Variants in ERP29 observed in about 807,000 individuals in gnomAD.
The protein encoded by ERP29 is endoplasmic reticulum resident protein 29.
In ERP29, 14 loss-of-function variants were observed where a neutral mutation model predicts 21.7. That is an observed-to-expected ratio of 0.64 (90% CI 0.43 to 1.01). The LOEUF (loss-of-function observed/expected upper bound fraction) is 1.01. Among genes scored for constraint, ERP29 ranks in the 50% least tolerant of loss-of-function variants. The pLI is 0.00. For synonymous variants in ERP29, 129 were observed against 139.1 expected (o/e 0.93, Z 0.51); for missense variants, 286 against 327.3 (o/e 0.87, Z 0.97).
chr12:112,022,231 G>A lies in ERP29; in HGVS notation c.365G>A (p.Arg122Gln), dbSNP rs1463418907. ...KESYPVFYLF[R>Q]DGDFENPVPY... The stretch of plus-strand genomic sequence containing the variant: ...AGCTACCCAGTCTTCTACCTCTTCC[G>A]GGATGGGGACTTTGAGAACCCAGTC... Residue 122 changes from arginine (R) to glutamine (Q), a missense_variant, in exon 3 of 3, where the codon CGG becomes CAG. Physicochemically the swap from Arg to Gln is conservative, Grantham distance 43. Transcript: ENST00000261735. The A allele has an allele frequency of 3.1e-6, 5 of 1,613,878 alleles. No homozygotes were observed. The highest frequency in any genetic ancestry group is 1.3e-5 in the African/African-American group (1 of 74,912).
In ERP29 at chr12:112,019,886, G is replaced by A. The variant is rs550719981; in HGVS notation, c.275G>A (p.Gly92Glu). 1 of 1,614,116 alleles carries A rather than the reference G, an allele frequency of 6.2e-7. No homozygotes were observed. The highest frequency in any genetic ancestry group is 1.1e-5 in the South Asian group (1 of 91,076). Residue 92 changes from glycine (G) to glutamate (E), a missense_variant, in exon 2 of 3, where the codon GGG becomes GAG. Gly to Glu is a moderately conservative substitution (Grantham distance 98, BLOSUM62 -2). Transcript: ENST00000261735. Reference protein sequence around the residue: ...SSDDLLVAEVGISDYGDKLNM... With the variant: ...SSDDLLVAEVEISDYGDKLNM... ...GATGATCTCTTGGTGGCAGAGGTGG[G>A]GATCTCAGGTATGGACAAGTCCAGG...
intron 1 of ERP29, chr12:112,014,913 G>T (rs1475453161): frequency 6.6e-6 from 1 of 152,338 alleles, no homozygotes; most frequent in Admixed American, 6.5e-5. Flanking sequence ...GCCGGGCTTA[G>T]TGGCTCACGC....
Position 112,022,363 on chromosome 12 carries a change from G to A in ERP29, c.497G>A (p.Gly166Glu). Residue 166 changes from glycine (G) to glutamate (E), a missense_variant, in exon 3 of 3, where the codon GGG becomes GAG. By Grantham distance (98) the Gly-to-Glu change is moderately conservative. Transcript: ENST00000261735. ...GCLPVYDALA[G>E]EFIRASGVEA... is the part of the protein sequence containing the mutation. Reference sequence around the variant, plus strand: ...CTGCCTGTATACGACGCCCTGGCCGGGGAGTTCATCAGGGCCTCTGGTGTG... The same window carrying A: ...CTGCCTGTATACGACGCCCTGGCCGAGGAGTTCATCAGGGCCTCTGGTGTG... 1 of 1,614,172 alleles carries A rather than the reference G, an allele frequency of 6.2e-7. No homozygotes were observed. Among genetic ancestry groups the A allele is most frequent in the Admixed American group, 1.7e-5 (1 of 60,032 alleles).
At chr12:112,019,582 C>T in intron 1 of ERP29, 174 bp from the exon 2 acceptor site, 1 of 726,824 alleles carries the variant, frequency 1.4e-6, no homozygotes, top group Non-Finnish European at 2.4e-6. Context: ...GTTGCTGGCA[C>T]TCACTAAATT....
intron 1 of ERP29, 138 bp downstream of exon 1, chr12:112,013,747 C>A: frequency 1.1e-6 from 1 of 929,950 alleles, no homozygotes; most frequent in Non-Finnish European, 1.6e-6. Context: ...CGGCGTCCTA[C>A]AGGCCTAGTG....
Position 112,013,450 on chromosome 12 carries a change from G to C in ERP29, c.-16G>C. ...CACTATCGCTTACCTACCTCCCTCTGCAGGAACCCGGCGATATGGCTGCCG... is the reference window on the plus strand; with the variant it reads ...CACTATCGCTTACCTACCTCCCTCTCCAGGAACCCGGCGATATGGCTGCCG... On this transcript the variant is annotated 5_prime_UTR_variant, in exon 1 of 3. Transcript: ENST00000261735. The C allele has an allele frequency of 6.2e-7, 1 of 1,605,768 alleles. No homozygotes were observed. The highest frequency in any genetic ancestry group is 8.5e-7 in the Non-Finnish European group (1 of 1,175,992).
Position 112,023,270 on chromosome 12 carries a change from C to G in ERP29, c.*618C>G, listed in dbSNP as rs958627214. 2.0e-5 allele frequency: 3 copies of G among 152,194 alleles called. No individual in the cohort carries two copies. The highest frequency in any genetic ancestry group is 2.0e-4 in the Admixed American group (3 of 15,288). The allele number at this position is 152,194 out of a possible 1,614,324, so 9.4% of individuals were successfully genotyped here. On this transcript the variant is annotated 3_prime_UTR_variant, in exon 3 of 3. Coordinates refer to ENST00000261735, the MANE Select transcript of ERP29 (RefSeq NM_006817.4). ...GATGGACCATGGTGTAATTATTTTC[C>G]ATGCTTTGTGAGGTACACATAGCAA...
In ERP29 at chr12:112,013,615, CG is replaced by C. The variant is rs766758869; in HGVS notation, c.144+10del. On this transcript the variant is annotated splice_region_variant and intron_variant, in intron 1 of 2. Coordinates refer to ENST00000261735, the MANE Select transcript of ERP29 (RefSeq NM_006817.4). ...ATACGGTCACTTTCTACAAGGTAAC[CG>C]GGGCGGGGGACGTCGCGCGCAGGTG... The C allele has an allele frequency of 3.8e-6, 6 of 1,565,660 alleles. No homozygotes were observed. The South Asian group carries it at 4.6e-5, about 12-fold the overall frequency.
At position 112,022,641 on chromosome 12, in the gene ERP29, G is replaced by T. The variant is rs561392506; in HGVS notation, c.775G>T (p.Glu259Ter). ...CTTCCAGAAGAAGGGGGCCGAGAAA[G>T]AGGAGCTGTAAAAAGGCTGTCTGTG... ...TAFQKKGAEKEEL is the reference protein window; with the variant it reads ...TAFQKKGAEK Residue 259 changes from glutamate (E) to a stop codon, truncating the protein, a stop_gained, in exon 3 of 3, where the codon GAG becomes TAG. Coordinates refer to ENST00000261735, the MANE Select transcript of ERP29 (RefSeq NM_006817.4). LOFTEE classifies it high-confidence loss of function. The T allele has an allele frequency of 3.7e-6, 6 of 1,608,168 alleles. No individual in the cohort carries two copies. In the South Asian group the frequency reaches 6.6e-5, roughly 18 times the overall value.
At chr12:112,021,240 A>T (rs1593727800) in intron 2 of ERP29, among the ~76,000 whole-genome samples, 1 of 148,064 alleles carries the variant, frequency 6.8e-6, no homozygotes, top group South Asian at 2.1e-4. Context: ...GTAATCCTGA[A>T]ATTTCCTGAG....
chr12:112,016,255 C>G (rs1160532721), intron 1 of ERP29, among the ~76,000 whole-genome samples: 1 of 152,240 alleles, frequency 6.6e-6, no homozygotes, highest in Non-Finnish European at 1.5e-5. Context: ...TTCAAATCTT[C>G]TCTTCCATCA....
At chr12:112,019,520 G>T (rs1019151527) in intron 1 of ERP29, 3 of 550,130 alleles carry the variant, frequency 5.5e-6, no homozygotes, top group Non-Finnish European at 9.9e-6. Flanking sequence ...TCTGGACAGG[G>T]TTGTGTATAT....
chr12:112,016,733 A>G (rs1416572731), intron 1 of ERP29, among the ~76,000 whole-genome samples: 1 of 152,166 alleles, frequency 6.6e-6, no homozygotes, highest in African/African-American at 2.4e-5. Flanking sequence ...TACTAAAAAT[A>G]CAAAAAAATT....
intron 1 of ERP29, among the ~76,000 whole-genome samples, chr12:112,017,537 G>A (rs1227727517): frequency 1.3e-5 from 2 of 152,192 alleles, no homozygotes. Context: ...GTGGGAATAA[G>A]TTTCATGTGC....
chr12:112,019,955 C>G, intron 2 of ERP29, 61 bp downstream of exon 2: 11 of 1,592,478 alleles, frequency 6.9e-6, no homozygotes, highest in South Asian at 1.1e-5. Context: ...AATCGTTTCC[C>G]TACTTGGAAC....
chr12:112,013,543 T>C lies in ERP29; in HGVS notation c.78T>C (p.Ala26=). Residue 26 remains alanine (A), a synonymous_variant, in exon 1 of 3, where the codon GCT becomes GCC. Transcript: ENST00000261735. ...TCCTGGGCTTCCTGCTCCTCTCCGC[T>C]CCGCATGGCGGCAGCGGCCTGCACA... ...PLLLGFLLLS[A]PHGGSGLHTK... 4 of 1,612,642 alleles carry C rather than the reference T, an allele frequency of 2.5e-6. No individual in the cohort carries two copies. Among genetic ancestry groups the C allele is most frequent in the Non-Finnish European group, 3.4e-6 (4 of 1,179,408 alleles).
At position 112,022,582 on chromosome 12, in the gene ERP29, A is replaced by T; in HGVS notation, c.716A>T (p.Glu239Val). The T allele has an allele frequency of 6.2e-7, 1 of 1,614,138 alleles. No individual in the cohort carries two copies. The highest frequency in any genetic ancestry group is 8.5e-7 in the Non-Finnish European group (1 of 1,180,010). Residue 239 changes from glutamate to valine, a missense_variant, in exon 3 of 3, where the codon GAG (glutamate) becomes GTG (valine). Coordinates refer to ENST00000261735, the MANE Select transcript of ERP29 (RefSeq NM_006817.4). ...AACAAGATGAGTGACGGGAAGAAGG[A>T]GGAGCTCCAGAAGAGCTTAAACATC... ...EKNKMSDGKK[E>V]ELQKSLNILT...
intron 1 of ERP29, among the ~76,000 whole-genome samples, chr12:112,018,355 C>G (rs1303805452): frequency 6.6e-6 from 1 of 151,826 alleles, no homozygotes; most frequent in African/African-American, 2.4e-5. Flanking sequence ...CCAGGCTGGT[C>G]TTGAACTTCT....
At chr12:112,016,162 T>A (rs962895217) in intron 1 of ERP29, among the ~76,000 whole-genome samples, 1 of 152,270 alleles carries the variant, frequency 6.6e-6, no homozygotes, top group Non-Finnish European at 1.5e-5. Flanking sequence ...TCGTCTGCGC[T>A]GCATAACAGA....
Sources: allele counts gnomAD v4.1 joint callset (sites outside exome capture counted in the v4.1 genomes callset), GRCh38; gene constraint gnomAD v4.1.1; transcripts MANE v1.5; gene names NCBI Gene and HGNC (gene_info 2026-07-23, HGNC 2026-07-21).